SEMA6D: variants seen among roughly 807,000 people sequenced by gnomAD.
SEMA6D encodes the protein semaphorin-6D.
Under a neutral mutation model 106.6 loss-of-function variants are expected in SEMA6D, and 35 were observed. The ratio of observed to expected loss-of-function variants is 0.33; its 90% CI spans 0.25 to 0.44. The LOEUF is 0.44. Among genes scored for constraint, SEMA6D ranks in the 20% least tolerant of loss-of-function variants. The probability of loss-of-function intolerance (pLI) is 1.00; values close to 1 mark genes in which losing one functional copy is unlikely to be tolerated. For missense variants in SEMA6D, 1,185 were observed against 1,345.9 expected (o/e 0.88, Z 1.87); for synonymous variants, 499 against 487.7 (o/e 1.02, Z -0.31).
chr15:47,515,951 CTA>C (rs1303315151), intron 3 of SEMA6D, among the ~76,000 whole-genome samples: 1 of 152,170 alleles, frequency 6.6e-6, no homozygotes. Context: ...ACAGCCAAAG[CTA>C]TAATTTGGGT....
At chr15:47,743,064 T>G (rs1032107538) in intron 1 of SEMA6D, among the ~76,000 whole-genome samples, 1 of 152,170 alleles carries the variant, frequency 6.6e-6, no homozygotes, top group Non-Finnish European at 1.5e-5. Context: ...TAGAATAGAA[T>G]TTGAGGCCCT....
intron 3 of SEMA6D, among the ~76,000 whole-genome samples, chr15:47,522,649 C>T (rs2044625083): frequency 1.3e-5 from 2 of 152,048 alleles, no homozygotes; most frequent in South Asian, 2.1e-4. Context: ...TGATGGAGTC[C>T]GCCCACTATA....
At chr15:47,447,874 T>C (rs1289809749) in intron 2 of SEMA6D, among the ~76,000 whole-genome samples, 1 of 152,102 alleles carries the variant, frequency 6.6e-6, no homozygotes, top group African/African-American at 2.4e-5. Context: ...ATTGCCAGAA[T>C]TGAATTGTAT....
At chr15:47,276,489 T>G (rs2034820049) in intron 1 of SEMA6D, among the ~76,000 whole-genome samples, 1 of 152,118 alleles carries the variant, frequency 6.6e-6, no homozygotes, top group African/African-American at 2.4e-5. Context: ...CTAGGAGTCT[T>G]TAAGAATTAT....
intron 1 of SEMA6D, among the ~76,000 whole-genome samples, chr15:47,277,667 T>A (rs2034892164): frequency 6.6e-6 from 1 of 151,166 alleles, no homozygotes; most frequent in Non-Finnish European, 1.5e-5. Flanking sequence ...AATGTACAGG[T>A]TAGTTACATA....
chr15:47,215,903 C>A (rs542601869), intron 1 of SEMA6D, among the ~76,000 whole-genome samples: 1 of 139,728 alleles, frequency 7.2e-6, no homozygotes, highest in East Asian at 1.9e-4. Context: ...GCCCAAGGAT[C>A]ATTACAAAGC....
At chr15:47,292,355 A>G (rs773064878) in intron 1 of SEMA6D, among the ~76,000 whole-genome samples, 2 of 152,194 alleles carry the variant, frequency 1.3e-5, no homozygotes, top group African/African-American at 2.4e-5. Context: ...TTGCTTTTGG[A>G]TGTGTTTCAT....
At chr15:47,753,304 G>A (rs947129417) in intron 1 of SEMA6D, among the ~76,000 whole-genome samples, 6 of 152,176 alleles carry the variant, frequency 3.9e-5, no homozygotes, top group African/African-American at 7.2e-5. Flanking sequence ...CATTACTAGC[G>A]AGTTGTCCTA....
At chr15:47,614,356 T>C (rs1007033460) in intron 4 of SEMA6D, among the ~76,000 whole-genome samples, 27 of 152,208 alleles carry the variant, frequency 1.8e-4, no homozygotes, top group Non-Finnish European at 3.7e-4. Flanking sequence ...TACATAACCA[T>C]TCAGATGGTT....
chr15:47,580,396 C>T (rs1013217044), intron 3 of SEMA6D, among the ~76,000 whole-genome samples: 2 of 152,210 alleles, frequency 1.3e-5, no homozygotes, highest in African/African-American at 2.4e-5. Context: ...TAGAGACCTT[C>T]TCCCATGACT....
intron 1 of SEMA6D, among the ~76,000 whole-genome samples, chr15:47,278,730 G>A (rs1404290711): frequency 4.6e-5 from 7 of 150,602 alleles, no homozygotes; most frequent in African/African-American, 1.7e-4. Context: ...TTTCTTCTAG[G>A]GTTTTTATGG....
At chr15:47,357,718 C>T (rs1461995491) in intron 1 of SEMA6D, among the ~76,000 whole-genome samples, 4 of 152,156 alleles carry the variant, frequency 2.6e-5, no homozygotes. Context: ...TCCCAGCCCA[C>T]TGACTCAAAT....
intron 1 of SEMA6D, among the ~76,000 whole-genome samples, chr15:47,745,172 C>T (rs1370230254): frequency 6.6e-6 from 1 of 152,224 alleles, no homozygotes; most frequent in Non-Finnish European, 1.5e-5. Context: ...CACACCCTTC[C>T]TCACAGTTGT....
At chr15:47,667,264 C>T (rs1471324661) in intron 4 of SEMA6D, among the ~76,000 whole-genome samples, 1 of 152,186 alleles carries the variant, frequency 6.6e-6, no homozygotes, top group Non-Finnish European at 1.5e-5. Context: ...CCATCATCAA[C>T]AAGTTTTGAT....
intron 1 of SEMA6D, among the ~76,000 whole-genome samples, chr15:47,748,688 A>T (rs2081271119): frequency 6.6e-6 from 1 of 152,218 alleles, no homozygotes; most frequent in African/African-American, 2.4e-5. Context: ...GTGGGGAAGT[A>T]TCATTAGGTG....
At position 47,603,731 on chromosome 15, in the gene SEMA6D, C is replaced by A. The variant is rs368944133; in HGVS notation, c.-55+2835C>A. On this transcript the variant is annotated intron_variant, in intron 4 of 19. Transcript: ENST00000558014. ...TTATTAAGTCCCCTCCCCCTCGCCC[C>A]GATTATTTCCTTCTGTTGATTCCTG... The A allele has an allele frequency of 2.0e-5, 3 of 152,114 alleles. No homozygotes were observed. In the East Asian group the frequency reaches 5.8e-4, roughly 29 times the overall value. The allele number at this position is 152,114 out of a possible 1,614,324, so 9.4% of individuals were successfully genotyped here. A position where few individuals can be genotyped will look rare whatever the true frequency, so the allele number is the denominator to read the frequency against.
In SEMA6D at chr15:47,768,633, C is replaced by G; in HGVS notation, c.1818C>G (p.Ile606Met). Residue 606 changes from isoleucine to methionine, a missense_variant, in exon 18 of 19, where the codon ATC becomes ATG. Transcript: ENST00000536845. ...SVTTMASIPEITPKVIDTWRP... is the reference protein window; with the variant it reads ...SVTTMASIPEMTPKVIDTWRP... ...CCACAATGGCAAGTATCCCAGAAAT[C>G]ACACCTAAAGTGATTGATACCTGGA... 1.2e-6 allele frequency: 2 copies of G among 1,613,046 alleles called. No individual in the cohort carries two copies. Among genetic ancestry groups the G allele is most frequent in the Non-Finnish European group, 1.7e-6 (2 of 1,179,310 alleles).
intron 1 of SEMA6D, among the ~76,000 whole-genome samples, chr15:47,384,954 C>A (rs1383569206): frequency 6.9e-6 from 1 of 144,438 alleles, no homozygotes; most frequent in African/African-American, 2.6e-5. Flanking sequence ...AGGCTGATTT[C>A]TAGCAGAGGA....
chr15:47,708,584 A>G (rs2078957858), intron 4 of SEMA6D, among the ~76,000 whole-genome samples: 1 of 152,228 alleles, frequency 6.6e-6, no homozygotes, highest in Non-Finnish European at 1.5e-5. Context: ...CTCTTCAGTC[A>G]GGTTGCGTGC....
Sources: allele counts gnomAD v4.1 joint callset (sites outside exome capture counted in the v4.1 genomes callset), GRCh38; gene constraint gnomAD v4.1.1; transcripts MANE v1.5; gene names NCBI Gene and HGNC (gene_info 2026-07-23, HGNC 2026-07-21).